SEMA4D: variants seen among roughly 807,000 people sequenced by gnomAD.
SEMA4D encodes semaphorin-4D.
SEMA4D carries 22 observed loss-of-function variants against 74.8 expected under a neutral mutation model. The observed-to-expected ratio is 0.29, with a 90% CI of 0.21 to 0.42. The LOEUF is 0.42. Among genes scored for constraint, SEMA4D ranks in the 10% least tolerant of loss-of-function variants. The pLI is 1.00. For missense variants in SEMA4D, 937 were observed against 1,118.4 expected (o/e 0.84, Z 2.31); for synonymous variants, 445 against 463.7 (o/e 0.96, Z 0.52).
Position 89,381,091 on chromosome 9 carries a change from T to C in SEMA4D, c.1627A>G (p.Ile543Val). 1 of 1,614,040 alleles carries C rather than the reference T, an allele frequency of 6.2e-7. No individual in the cohort carries two copies. The highest frequency in any genetic ancestry group is 8.5e-7 in the Non-Finnish European group (1 of 1,180,018). The stretch of plus-strand genomic sequence containing the variant: ...GAAGCATCGCCGCTCATCTCCTGAA[T>C]CAAACCCCTGCAAAACAACCGGCAC... Reference protein sequence around the residue: ...HQTESPSRGLIQEMSGDASVC... With the variant: ...HQTESPSRGLVQEMSGDASVC... Residue 543 changes from isoleucine (I) to valine (V), a missense_variant, in exon 15 of 16, where the codon ATT becomes GTT. Coordinates refer to ENST00000422704, the MANE Select transcript of SEMA4D (RefSeq NM_001371194.2). The surrounding 1 kb of genome is among the most constrained non-coding windows in gnomAD (Gnocchi z 4.6).
intron 16 of SEMA4D, among the ~76,000 whole-genome samples, chr9:89,366,222 G>A (rs1200268565): frequency 1.3e-5 from 2 of 152,240 alleles, no homozygotes; most frequent in African/African-American, 2.4e-5. Flanking sequence ...ATGTGTGAAC[G>A]TAGATAGTCA....
At chr9:89,466,004 G>A (rs933304738) in intron 1 of SEMA4D, among the ~76,000 whole-genome samples, 1 of 152,192 alleles carries the variant, frequency 6.6e-6, no homozygotes, top group African/African-American at 2.4e-5. Flanking sequence ...AGGCAGGGGG[G>A]AAGGTGGGCT....
Position 89,381,296 on chromosome 9 carries a change from CG to C in SEMA4D, c.1496del (p.Pro499ArgfsTer44). 1 of 1,566,908 alleles carries C rather than the reference CG, an allele frequency of 6.4e-7. No homozygotes were observed. The highest frequency in any genetic ancestry group is 8.7e-7 in the Non-Finnish European group (1 of 1,153,042). On this transcript the variant is annotated frameshift_variant, in exon 14 of 16. Transcript: ENST00000422704. LOFTEE classifies it high-confidence loss of function. This position sits in a 1 kb window ranked among gnomAD's most constrained non-coding sequence, Gnocchi z 4.6. ...TGCCGTGCTTCCCACAGAAGGCCAG[CG>C]GGGCCTGGACCACGCCCGAGTTAGA... ...AGSNSGVVQA[P>X]LAFCGKHGTC...
At chr9:89,402,742 T>G in intron 4 of SEMA4D, 129 bp downstream of exon 4, 1 of 958,152 alleles carries the variant, frequency 1.0e-6, no homozygotes, top group South Asian at 1.7e-5. Context: ...CACCCAAAGA[T>G]GGGGCTGCAT....
chr9:89,425,301 G>A (rs1847863617), intron 2 of SEMA4D, among the ~76,000 whole-genome samples: 1 of 152,190 alleles, frequency 6.6e-6, no homozygotes, highest in Non-Finnish European at 1.5e-5. Flanking sequence ...GAAGGCCAGG[G>A]CAACCTCAGA....
chr9:89,405,863 A>G, intron 2 of SEMA4D, 164 bp from the exon 3 acceptor site: 1 of 1,245,376 alleles, frequency 8.0e-7, no homozygotes, highest in Non-Finnish European at 1.0e-6. Context: ...TGGACAGCCC[A>G]ACGGACACAG....
At chr9:89,384,982 G>C in intron 13 of SEMA4D, 2 of 985,452 alleles carry the variant, frequency 2.0e-6, no homozygotes, top group Non-Finnish European at 2.4e-6. Flanking sequence ...CCCACGAATG[G>C]AGGCTCCTAC....
intron 1 of SEMA4D, among the ~76,000 whole-genome samples, chr9:89,457,779 A>G (rs1856289906): frequency 6.6e-6 from 1 of 152,044 alleles, no homozygotes; most frequent in Admixed American, 6.6e-5. Flanking sequence ...CATGCCTGTA[A>G]TCCCAGCCCT....
downstream of SEMA4D, chr9:89,376,893 T>C (rs1588144055): frequency 1.3e-6 from 2 of 1,550,788 alleles, no homozygotes; most frequent in Non-Finnish European, 1.7e-6. Flanking sequence ...GCCTGGTCAC[T>C]CAGGAAGGGC....
Position 89,473,167 on chromosome 9 carries a change from T to C in SEMA4D, c.-309-17214A>G, listed in dbSNP as rs147974356. On this transcript the variant is annotated intron_variant, in intron 1 of 15. Transcript: ENST00000422704. ...AAGATATCTGCCACTTTTCCTAAGA[T>C]ATTGTAAATGATACTACATTTTGAA... Among the ~76,000 whole-genome samples, 365 of 152,356 alleles carry C rather than the reference T, an allele frequency of 2.4e-3. 1 individual carries two copies. The highest frequency in any genetic ancestry group is 8.3e-3 in the African/African-American group (347 of 41,576).
Position 89,377,462 on chromosome 9 carries a change from G to A in SEMA4D, c.*1242C>T. 6.3e-6 allele frequency: 1 copy of A among 157,560 alleles called. No individual in the cohort carries two copies. Among genetic ancestry groups the A allele is most frequent in the South Asian group, 1.8e-4 (1 of 5,420 alleles). 9.8% of individuals were successfully genotyped at this position (157,560 alleles called of 1,614,324 possible). A position where few individuals can be genotyped will look rare whatever the true frequency, so the allele number is the denominator to read the frequency against. ...CTTCCCGATGGGTATTTACAAAGCG[G>A]GGAGATGGAGTGTGAAATTAACCAG... On this transcript the variant is annotated 3_prime_UTR_variant, in exon 16 of 16. Transcript: ENST00000422704.
rs928468791 is a variant in SEMA4D, at chr9:89,379,178, G to C, written c.2115C>G (p.Gly705=). The C allele has an allele frequency of 9.3e-6, 15 of 1,614,078 alleles. No homozygotes were observed. Among genetic ancestry groups the C allele is most frequent in the Non-Finnish European group, 1.3e-5 (15 of 1,180,026 alleles). Residue 705 remains glycine (G), a synonymous_variant, in exon 16 of 16, where the codon GGC becomes GGG. Coordinates refer to ENST00000422704, the MANE Select transcript of SEMA4D (RefSeq NM_001371194.2). ...TGACGATCTTTGGTTCGCAGGATGT[G>C]CCGGTGGGCGCAGGCTTGGGAGGAA... ...ITLPPKPAPT[G]TSCEPKIVIN...
At chr9:89,461,700 C>CTCTCTCTCTTT (rs71281350) in intron 1 of SEMA4D, among the ~76,000 whole-genome samples, 3 of 103,660 alleles carry the variant, frequency 2.9e-5, no homozygotes, top group African/African-American at 1.0e-4. Flanking sequence ...TCTTTTTTCT[C>CTCTCTCTCTTT]TTTTTTTTTT....
At chr9:89,370,335 G>A (rs1564494032) in intron 16 of SEMA4D, among the ~76,000 whole-genome samples, 1 of 150,964 alleles carries the variant, frequency 6.6e-6, no homozygotes, top group Admixed American at 6.6e-5. Flanking sequence ...TGTGGTACAT[G>A]TGTCGTGTGG....
intron 16 of SEMA4D, chr9:89,368,864 C>T (rs1834100854): frequency 6.6e-6 from 1 of 152,252 alleles, no homozygotes; most frequent in Non-Finnish European, 1.5e-5. Flanking sequence ...GAGAAAGTAC[C>T]ACTGAGGCAT....
At chr9:89,477,599 G>A (rs1786280946) in intron 1 of SEMA4D, among the ~76,000 whole-genome samples, 1 of 152,180 alleles carries the variant, frequency 6.6e-6, no homozygotes, top group Non-Finnish European at 1.5e-5. Context: ...ACCTCTGCGT[G>A]GCATGACCGC....
chr9:89,489,182 T>C (rs1825435392), intron 1 of SEMA4D, among the ~76,000 whole-genome samples: 1 of 152,232 alleles, frequency 6.6e-6, no homozygotes, highest in Non-Finnish European at 1.5e-5. Flanking sequence ...CGTAAAATGA[T>C]ACAACTGCTT....
intron 2 of SEMA4D, among the ~76,000 whole-genome samples, chr9:89,435,010 A>G (rs1020163760): frequency 3.3e-5 from 5 of 152,278 alleles, no homozygotes; most frequent in East Asian, 3.9e-4. Flanking sequence ...ATTAATCCAT[A>G]TATTTTTAAT....
At position 89,391,256 on chromosome 9, in the gene SEMA4D, G is replaced by C. The variant is rs1342240803; in HGVS notation, c.774+8C>G. The C allele has an allele frequency of 6.2e-7, 1 of 1,613,160 alleles. No individual in the cohort carries two copies. ...GGGCCAAGCGAAGCCAGAGTGCCTG[G>C]CACTCACCTTGCACACTCTTGCTAT... On this transcript the variant is annotated splice_region_variant and intron_variant, in intron 9 of 15. Transcript: ENST00000422704.
Sources: gnomAD v4.1 joint callset for allele counts (sites outside exome capture counted in the v4.1 genomes callset) on GRCh38, gnomAD v4.1.1 for gene constraint, Gnocchi (gnomAD v3.1) non-coding constraint, MANE v1.5 for transcripts, NCBI Gene and HGNC (gene_info 2026-07-23, HGNC 2026-07-21) for gene names.